RORA: variants seen among roughly 807,000 people sequenced by gnomAD.
RORA encodes nuclear receptor ROR-alpha.
A neutral mutation model predicts 69.5 loss-of-function variants in RORA; 7 were observed. The ratio of observed to expected loss-of-function variants is 0.10; its 90% CI spans 0.06 to 0.19. RORA has a LOEUF of 0.19. Ranked by LOEUF, RORA falls within the 10% of genes least tolerant of loss-of-function variation. RORA has a pLI of 1.00. For synonymous variants in RORA, 261 were observed against 240.8 expected (o/e 1.08, Z -0.78); for missense variants, 457 against 663.0 (o/e 0.69, Z 3.41).
chr15:60,898,894 G>C (rs1179864234), intron 1 of RORA, among the ~76,000 whole-genome samples: 2 of 152,130 alleles, frequency 1.3e-5, no homozygotes, highest in African/African-American at 4.8e-5. Flanking sequence ...AGGGCACAGG[G>C]GATGGGTTTG....
intron 1 of RORA, among the ~76,000 whole-genome samples, chr15:60,841,758 C>T (rs938298795): frequency 6.6e-6 from 1 of 152,146 alleles, no homozygotes; most frequent in Admixed American, 6.5e-5. Context: ...TGTTGTGCTC[C>T]GCCCTTTATC....
chr15:60,899,433 A>G (rs1891323901), intron 1 of RORA, among the ~76,000 whole-genome samples: 1 of 152,222 alleles, frequency 6.6e-6, no homozygotes, highest in Non-Finnish European at 1.5e-5. Flanking sequence ...TAATTTTCTG[A>G]GAGGAAAAAG....
rs1044805850 is a variant in RORA at position 61,061,476 on chromosome 15, G to T, written c.166+167577C>A. Among the ~76,000 whole-genome samples, 1 of 152,160 alleles carries T rather than the reference G, an allele frequency of 6.6e-6. No homozygotes were observed. The highest frequency in any genetic ancestry group is 2.1e-4 in the South Asian group (1 of 4,816). ...TGTTGTTGCTGACCTGAGAGCTATG[G>T]ATGCTGTGAGCAGGGGCTTGGTAGG... On this transcript the variant is annotated intron_variant, in intron 1 of 10. Coordinates refer to ENST00000335670, the MANE Select transcript of RORA (RefSeq NM_134261.3). The surrounding 1 kb of genome is among the most constrained non-coding windows in gnomAD (Gnocchi z 4.4).
At chr15:60,857,519 C>T (rs1459887465) in intron 1 of RORA, among the ~76,000 whole-genome samples, 1 of 152,108 alleles carries the variant, frequency 6.6e-6, no homozygotes, top group Non-Finnish European at 1.5e-5. Context: ...ATGTTGCTTT[C>T]CGGGTATTTG....
intron 2 of RORA, among the ~76,000 whole-genome samples, chr15:60,655,610 C>T (rs933914475): frequency 2.6e-5 from 4 of 152,136 alleles, no homozygotes; most frequent in Admixed American, 6.5e-5. Context: ...TCATTCAGAG[C>T]GTGTGACCCC....
intron 1 of RORA, among the ~76,000 whole-genome samples, chr15:60,896,571 AC>A (rs1426199884): frequency 1.3e-5 from 2 of 152,088 alleles, no homozygotes; most frequent in African/African-American, 4.8e-5. Context: ...AGAAATCCCA[AC>A]CCCAAAATAT....
intron 1 of RORA, among the ~76,000 whole-genome samples, chr15:61,032,796 G>A (rs1219700376): frequency 6.6e-6 from 1 of 152,098 alleles, no homozygotes; most frequent in African/African-American, 2.4e-5. Context: ...GAGCAGTACA[G>A]GGGATCCTTC....
chr15:61,027,253 T>C (rs1166147100), intron 1 of RORA, among the ~76,000 whole-genome samples: 2 of 152,252 alleles, frequency 1.3e-5, no homozygotes, highest in East Asian at 1.9e-4. Flanking sequence ...TTTATATTTC[T>C]AGTAAACATT....
intron 1 of RORA, among the ~76,000 whole-genome samples, chr15:61,003,826 C>T (rs145255337): frequency 6.6e-6 from 1 of 152,172 alleles, no homozygotes; most frequent in East Asian, 1.9e-4. Flanking sequence ...TCACTCCAGC[C>T]GTAGCTAACA....
intron 1 of RORA, among the ~76,000 whole-genome samples, chr15:60,947,078 C>A (rs1283017955): frequency 1.1e-5 from 1 of 87,066 alleles, no homozygotes; most frequent in East Asian, 3.4e-4. Context: ...GGCCAGCCCC[C>A]GACCGGCCAG....
rs34150883 is a variant in RORA at position 60,856,490 on chromosome 15, CTTT to C, written c.167-177807_167-177805del. On this transcript the variant is annotated intron_variant, in intron 1 of 10. Transcript: ENST00000335670. ...ATCACGATTTTAAAGAATCACTGAC[CTTT>C]TTTTTTTTTTCTTAGAACTAGAAGA... 1.6e-3 allele frequency among the ~76,000 whole-genome samples: 235 copies of C among 148,758 alleles called. 1 individual carries two copies. The highest frequency in any genetic ancestry group is 5.4e-3 in the African/African-American group (221 of 40,596).
chr15:60,811,232 A>T (rs1370470798), intron 1 of RORA, among the ~76,000 whole-genome samples: 1 of 152,212 alleles, frequency 6.6e-6, no homozygotes, highest in Non-Finnish European at 1.5e-5. Context: ...CTATTTCAAC[A>T]GACTTTTCAT....
intron 1 of RORA, among the ~76,000 whole-genome samples, chr15:61,179,255 A>C (rs932268782): frequency 6.6e-6 from 1 of 152,216 alleles, no homozygotes; most frequent in African/African-American, 2.4e-5. Flanking sequence ...AGGTCAAAAC[A>C]ATTTTCATAA....
chr15:60,884,484 G>A (rs2073729526), intron 1 of RORA, among the ~76,000 whole-genome samples: 1 of 152,092 alleles, frequency 6.6e-6, no homozygotes, highest in Non-Finnish European at 1.5e-5. Flanking sequence ...GGTTATCTGG[G>A]TGAGGTGACT....
chr15:61,088,705 A>C (rs1010902444), intron 1 of RORA, among the ~76,000 whole-genome samples: 1 of 152,158 alleles, frequency 6.6e-6, no homozygotes, highest in Non-Finnish European at 1.5e-5. Flanking sequence ...ATGGGCTAGT[A>C]AACTAGTAAA....
chr15:60,595,103 CAGG>C (rs1567113735), intron 2 of RORA, among the ~76,000 whole-genome samples: 1 of 148,368 alleles, frequency 6.7e-6, no homozygotes, highest in Non-Finnish European at 1.5e-5. Context: ...ACAAATCAGT[CAGG>C]AGTAAAAGGG....
At position 61,061,642 on chromosome 15, in the gene RORA, T is replaced by C. The variant is rs1234849403; in HGVS notation, c.166+167411A>G. ...TTAAAAATAATTCAGGTTTACATAA[T>C]CTATCTCTAATTGCAAGAGTTAAGA... On this transcript the variant is annotated intron_variant, in intron 1 of 10. Transcript: ENST00000335670. The surrounding 1 kb of genome is among the most constrained non-coding windows in gnomAD (Gnocchi z 4.4). 6.6e-6 allele frequency among the ~76,000 whole-genome samples: 1 copy of C among 152,210 alleles called. No homozygotes were observed. Among genetic ancestry groups the C allele is most frequent in the Non-Finnish European group, 1.5e-5 (1 of 68,038 alleles).
intron 1 of RORA, among the ~76,000 whole-genome samples, chr15:60,698,628 G>GT (rs2070938915): frequency 9.5e-6 from 1 of 105,646 alleles, no homozygotes; most frequent in African/African-American, 3.2e-5. Flanking sequence ...TTTGGCATTT[G>GT]TGTTTTTTTT....
At chr15:60,640,786 T>C (rs1021001613) in intron 2 of RORA, among the ~76,000 whole-genome samples, 12 of 152,164 alleles carry the variant, frequency 7.9e-5, no homozygotes, top group Non-Finnish European at 2.9e-5. Context: ...TGTTCCCTCC[T>C]AAAATTTGTC....
Sources: allele counts gnomAD v4.1 joint callset (sites outside exome capture counted in the v4.1 genomes callset), GRCh38; gene constraint gnomAD v4.1.1; non-coding constraint Gnocchi (gnomAD v3.1); transcripts MANE v1.5; gene names NCBI Gene and HGNC (gene_info 2026-07-23, HGNC 2026-07-21).